The following ATAD3B variants were observed in gnomAD, a reference collection of about 807,000 sequenced individuals.
ATAD3B encodes the protein ATPase family AAA domain containing 3B.
A neutral mutation model predicts 70.2 loss-of-function variants in ATAD3B; 59 were observed. The ratio of observed to expected loss-of-function variants is 0.84; its 90% CI spans 0.68 to 1.04. The LOEUF is 1.04. ATAD3B is among the 50% of genes least tolerant of loss of function. The probability of loss-of-function intolerance (pLI) is 0.00; values close to 1 mark genes in which losing one functional copy is unlikely to be tolerated. For synonymous variants in ATAD3B, 423 were observed against 388.6 expected (o/e 1.09, Z -1.04); for missense variants, 961 against 913.4 (o/e 1.05, Z -0.67).
chr1:1,480,603 C>G (rs1454498798), intron 4 of ATAD3B, among the ~76,000 whole-genome samples: 1 of 147,260 alleles, frequency 6.8e-6, no homozygotes, highest in Non-Finnish European at 1.5e-5. Context: ...GTTGGGAGGT[C>G]GGCCCGCGGT....
At chr1:1,499,685 C>T (rs1016979933), downstream of ATAD3B, among the ~76,000 whole-genome samples, 1 of 147,792 alleles carries the variant, frequency 6.8e-6, no homozygotes, top group African/African-American at 2.5e-5. Context: ...CCTCCGCCTG[C>T]CGGGTTCAAG....
Position 1,485,009 on chromosome 1 carries a change from G to T in ATAD3B, c.751-7G>T. 6.2e-7 allele frequency: 1 copy of T among 1,600,248 alleles called. No individual in the cohort carries two copies. Among genetic ancestry groups the T allele is most frequent in the Non-Finnish European group, 8.5e-7 (1 of 1,174,682 alleles). On this transcript the variant is annotated splice_region_variant and splice_polypyrimidine_tract_variant and intron_variant, in intron 7 of 15. Transcript: ENST00000673477. ...GCCGGTGCGCCAGTGCGGTGTCTCT[G>T]CTGCAGGTGGCTGGGCTGACGCTGC...
rs752585857 is a variant in ATAD3B at position 1,490,667 on chromosome 1, G to T, written c.1610G>T (p.Trp537Leu). The change falls in exon 15 of 16, where the codon TGG becomes TTG. Residue 537 changes from tryptophan to leucine, a missense_variant. Around this residue, in one of 4 missense-constraint regions of ATAD3B, gnomAD observed 417 missense variants for 335.0 expected, o/e 1.24. Coordinates refer to ENST00000673477, the MANE Select transcript of ATAD3B (RefSeq NM_031921.6). The stretch of plus-strand genomic sequence containing the variant: ...GAGATCGCTCAGCTGGCCGTGTCCT[G>T]GCAGGTGAGTCAGGCTCCGGCACGT... ...GREIAQLAVS[W>L]QATAYASKDG... 1.3e-5 allele frequency: 20 copies of T among 1,586,660 alleles called. No homozygotes were observed. The South Asian group carries it at 1.9e-4, about 15-fold the overall frequency.
chr1:1,478,860 C>G, intron 3 of ATAD3B, 115 bp downstream of exon 3: 1 of 880,820 alleles, frequency 1.1e-6, no homozygotes, highest in Non-Finnish European at 1.7e-6. Context: ...TAGAGCTGCC[C>G]TCGGAACGGC....
rs534923634 is a variant in ATAD3B, at chr1:1,472,994, T to C, written c.205+905T>C. Among the ~76,000 whole-genome samples, 114 of 143,150 alleles carry C rather than the reference T, an allele frequency of 8.0e-4. 1 individual carries two copies. The highest frequency in any genetic ancestry group is 2.7e-3 in the African/African-American group (102 of 38,458). The allele number at this position is 143,150 out of a possible 152,430, so 93.9% of individuals were successfully genotyped here. On this transcript the variant is annotated intron_variant, in intron 1 of 15. Transcript: ENST00000673477. ...CGCAGCACCACGCCCGGCTAATTTT[T>C]TTTGTATCTTTAGTAGAGACGGGTT...
At chr1:1,485,515 G>A (rs575428556) in intron 8 of ATAD3B, among the ~76,000 whole-genome samples, 4 of 152,206 alleles carry the variant, frequency 2.6e-5, no homozygotes, top group South Asian at 2.1e-4. Flanking sequence ...GAGCCGCGCC[G>A]CTTGCCAGCC....
intron 14 of ATAD3B, 28 bp downstream of exon 14, chr1:1,490,452 A>G: frequency 6.2e-7 from 1 of 1,612,574 alleles, no homozygotes; most frequent in South Asian, 1.1e-5. Flanking sequence ...CCCGGCCCCC[A>G]ATCCAGGCAC....
At chr1:1,484,290 C>T (rs1343880685) in intron 7 of ATAD3B, 2 of 151,926 alleles carry the variant, frequency 1.3e-5, no homozygotes, top group African/African-American at 2.4e-5. Context: ...ACACCATTCT[C>T]CTGTCTCAGC....
At chr1:1,487,752 C>T in intron 11 of ATAD3B, 111 bp from the exon 12 acceptor site, 1 of 1,349,976 alleles carries the variant, frequency 7.4e-7, no homozygotes, top group African/African-American at 1.4e-5. Context: ...TGGGGCAGAG[C>T]CTGACCCCGT....
rs1196962798 is a variant in ATAD3B, at chr1:1,485,768, T to C, written c.907-14T>C. 6.2e-7 allele frequency: 1 copy of C among 1,612,630 alleles called. No individual in the cohort carries two copies. Among genetic ancestry groups the C allele is most frequent in the East Asian group, 2.2e-5 (1 of 44,848 alleles). ...GCAGGTGACCCAATGGTGCTTCCCC[T>C]TCCCCTCCGGCAGGTCAGCCGGCGG... On this transcript the variant is annotated splice_polypyrimidine_tract_variant and intron_variant, in intron 8 of 15. Transcript: ENST00000673477.
chr1:1,480,618 C>T (rs956425375), intron 4 of ATAD3B, among the ~76,000 whole-genome samples: 5 of 147,294 alleles, frequency 3.4e-5, no homozygotes, highest in African/African-American at 1.0e-4. Context: ...CGCGGTGGCC[C>T]TTGTCAGGGA....
At chr1:1,482,461 G>T in intron 6 of ATAD3B, 84 bp from the exon 7 acceptor site, 1 of 1,609,564 alleles carries the variant, frequency 6.2e-7, no homozygotes, top group Non-Finnish European at 8.5e-7. Context: ...GTGCCGCCAT[G>T]TCAGGGCCTC....
intron 1 of ATAD3B, 132 bp downstream of exon 1, chr1:1,472,221 C>A: frequency 1.4e-6 from 2 of 1,405,118 alleles, no homozygotes; most frequent in East Asian, 4.1e-5. Context: ...CCGGAGCACC[C>A]CCGGCCGGAG....
At chr1:1,486,058 A>AGGC (rs2100571917) in intron 9 of ATAD3B, 52 bp from the exon 10 acceptor site, 1 of 1,611,256 alleles carries the variant, frequency 6.2e-7, no homozygotes, top group Non-Finnish European at 8.5e-7. Flanking sequence ...CCTGTCACCG[A>AGGC]GGCTTCCGTG....
chr1:1,509,376 G>A, the ATAD3B span: 28 of 1,605,366 alleles, frequency 1.7e-5, no homozygotes, highest in East Asian at 4.3e-4. Flanking sequence ...CACACCTCAC[G>A]GAGCCTGGCC....
At chr1:1,474,652 A>G (rs1382277990) in intron 1 of ATAD3B, among the ~76,000 whole-genome samples, 1 of 151,980 alleles carries the variant, frequency 6.6e-6, no homozygotes, top group Non-Finnish European at 1.5e-5. Context: ...GGCGCCCGCC[A>G]GCACACCTGG....
chr1:1,499,157 GAGAC>G (rs1640885693), downstream of ATAD3B, among the ~76,000 whole-genome samples: 1 of 151,472 alleles, frequency 6.6e-6, no homozygotes, highest in Non-Finnish European at 1.5e-5. Flanking sequence ...ATTTTTAGTA[GAGAC>G]AGGGTTTCAC....
At chr1:1,487,453 A>C (rs1467623152) in intron 11 of ATAD3B, among the ~76,000 whole-genome samples, 10 of 148,796 alleles carry the variant, frequency 6.7e-5, no homozygotes, top group African/African-American at 2.5e-4. Flanking sequence ...GCGCCACTGC[A>C]CTCCAGCCTG....
At chr1:1,482,819 C>T (rs1358777601) in intron 7 of ATAD3B, 4 of 720,222 alleles carry the variant, frequency 5.6e-6, no homozygotes, top group Non-Finnish European at 7.1e-6. Context: ...GCCTGGGCCA[C>T]ACGGTGAGAC....
Sources: gnomAD v4.1 joint callset for allele counts (sites outside exome capture counted in the v4.1 genomes callset) on GRCh38, gnomAD v4.1.1 for gene constraint, gnomAD v4.1.1 regional missense constraint, MANE v1.5 for transcripts, NCBI Gene and HGNC (gene_info 2026-07-23, HGNC 2026-07-21) for gene names.